TAFA5: variants seen among roughly 807,000 people sequenced by gnomAD.
TAFA5 encodes the protein TAFA chemokine like family member 5.
TAFA5 carries 6 observed loss-of-function variants against 15.3 expected under a neutral mutation model. The ratio of observed to expected loss-of-function variants is 0.39; its 90% CI spans 0.21 to 0.77. TAFA5 has a LOEUF of 0.77. TAFA5 is among the 30% of genes least tolerant of loss of function. TAFA5 has a pLI of 0.41. For synonymous variants in TAFA5, 103 were observed against 80.7 expected, an observed-to-expected ratio of 1.28 and a Z score of -1.48; for missense variants, 161 against 193.1, an observed-to-expected ratio of 0.83 and a Z score of 0.98.
At chr22:48,658,068 AG>A (rs1210163357) in intron 2 of TAFA5, among the ~76,000 whole-genome samples, 1 of 152,208 alleles carries the variant, frequency 6.6e-6, no homozygotes, top group Non-Finnish European at 1.5e-5. Context: ...CCGAGAGCTG[AG>A]GGGGCCCAGC....
At chr22:48,509,005 T>G (rs1043509393) in intron 1 of TAFA5, among the ~76,000 whole-genome samples, 1 of 152,170 alleles carries the variant, frequency 6.6e-6, no homozygotes, top group Non-Finnish European at 1.5e-5. Context: ...AATTCTCCTC[T>G]CTATTTCTAT....
At chr22:48,664,010 T>C (rs1927531607) in intron 2 of TAFA5, among the ~76,000 whole-genome samples, 1 of 152,212 alleles carries the variant, frequency 6.6e-6, no homozygotes, top group South Asian at 2.1e-4. Flanking sequence ...GTTGCTAAGA[T>C]CTACAGTAAA....
intron 3 of TAFA5, among the ~76,000 whole-genome samples, chr22:48,712,643 G>A (rs973300401): frequency 3.9e-5 from 6 of 152,348 alleles, no homozygotes; most frequent in South Asian, 2.1e-4. Flanking sequence ...CTGCCTCTCT[G>A]CTGGCTCTAC....
At chr22:48,553,866 T>G (rs1569023466) in intron 1 of TAFA5, among the ~76,000 whole-genome samples, 1 of 152,102 alleles carries the variant, frequency 6.6e-6, no homozygotes, top group African/African-American at 2.4e-5. Context: ...CAGTGGAGGC[T>G]GTTTGATGCT....
chr22:48,574,390 C>T (rs1923689085), intron 1 of TAFA5, among the ~76,000 whole-genome samples: 2 of 152,182 alleles, frequency 1.3e-5, no homozygotes, highest in South Asian at 4.1e-4. Context: ...AGGCAGACAG[C>T]ATCAAGCTTA....
intron 1 of TAFA5, among the ~76,000 whole-genome samples, chr22:48,564,231 T>C (rs1184089371): frequency 1.3e-5 from 2 of 152,224 alleles, no homozygotes; most frequent in East Asian, 3.9e-4. Flanking sequence ...AGCCTGAGGA[T>C]GGCAGGAAGC....
chr22:48,667,619 T>G lies in TAFA5; in HGVS notation c.262+20873T>G, dbSNP rs74967012. On this transcript the variant is annotated intron_variant, in intron 2 of 3. Coordinates refer to ENST00000402357, the MANE Select transcript of TAFA5 (RefSeq NM_001082967.3). ...TTGAGACTCCGCACTGCGTTATAAC[T>G]CCTGCCTGGTTAATTCAATTTCTCT... is the stretch of plus-strand genomic sequence containing the variant. 1.7e-3 allele frequency among the ~76,000 whole-genome samples: 261 copies of G among 152,196 alleles called. 2 individuals are homozygous for G. Among genetic ancestry groups the G allele is most frequent in the African/African-American group, 6.1e-3 (254 of 41,452 alleles).
intron 2 of TAFA5, among the ~76,000 whole-genome samples, chr22:48,704,034 G>A (rs150615854): frequency 1.1e-3 from 165 of 152,338 alleles, no homozygotes; most frequent in Non-Finnish European, 2.1e-3. Context: ...GCCCCGTTCA[G>A]CTCAAGATGA....
chr22:48,575,436 A>C (rs1308594526), intron 1 of TAFA5, among the ~76,000 whole-genome samples: 1 of 145,672 alleles, frequency 6.9e-6, no homozygotes, highest in Non-Finnish European at 1.5e-5. Context: ...GGGCCCGGCC[A>C]CCTGGGCCGG....
chr22:48,514,854 G>A (rs1921348801), intron 1 of TAFA5, among the ~76,000 whole-genome samples: 1 of 152,262 alleles, frequency 6.6e-6, no homozygotes, highest in Non-Finnish European at 1.5e-5. Flanking sequence ...GCTCTGGGCT[G>A]ACACCAGGGT....
At chr22:48,562,925 G>A (rs1923286904) in intron 1 of TAFA5, among the ~76,000 whole-genome samples, 1 of 151,920 alleles carries the variant, frequency 6.6e-6, no homozygotes, top group Non-Finnish European at 1.5e-5. Flanking sequence ...ACCCCGGGAT[G>A]CCCGTCTGTG....
At chr22:48,644,975 G>A (rs1207592632) in intron 1 of TAFA5, among the ~76,000 whole-genome samples, 2 of 152,212 alleles carry the variant, frequency 1.3e-5, no homozygotes, top group African/African-American at 2.4e-5. Context: ...CTGATGCTGC[G>A]GCCATCTCCC....
intron 2 of TAFA5, among the ~76,000 whole-genome samples, chr22:48,649,001 T>C (rs761790): frequency 0.5 from 76,317 of 152,052 alleles, 19,438 homozygotes; most frequent in South Asian, 0.57. Flanking sequence ...GGGTGTCTCA[T>C]TGATGAGCGT....
At chr22:48,539,072 G>T (rs1023870222) in intron 1 of TAFA5, 19 of 252,576 alleles carry the variant, frequency 7.5e-5, no homozygotes, top group Non-Finnish European at 1.3e-4. Flanking sequence ...GGTGGGCACT[G>T]GCTCGGTCTT....
At chr22:48,704,282 C>A (rs1455289433) in intron 2 of TAFA5, among the ~76,000 whole-genome samples, 3 of 152,128 alleles carry the variant, frequency 2.0e-5, no homozygotes, top group Non-Finnish European at 4.4e-5. Flanking sequence ...ATTTCTGCTA[C>A]TGGGGCATGT....
At chr22:48,605,491 G>C (rs1479536564) in intron 1 of TAFA5, among the ~76,000 whole-genome samples, 2 of 152,022 alleles carry the variant, frequency 1.3e-5, no homozygotes, top group African/African-American at 4.8e-5. Flanking sequence ...TGGCAGGGAT[G>C]GTGATGGTAA....
intron 1 of TAFA5, among the ~76,000 whole-genome samples, chr22:48,579,600 A>G (rs749265328): frequency 1.3e-5 from 2 of 152,252 alleles, no homozygotes; most frequent in Non-Finnish European, 2.9e-5. Context: ...GCCTCCAAAT[A>G]CGGAGTTAAG....
At chr22:48,542,426 T>C (rs1922450285) in intron 1 of TAFA5, among the ~76,000 whole-genome samples, 1 of 125,066 alleles carries the variant, frequency 8.0e-6, no homozygotes, top group African/African-American at 3.2e-5. Context: ...GTGGTGTGTA[T>C]GTGTGTGGTG....
chr22:48,551,150 T>C (rs537049106), intron 1 of TAFA5, among the ~76,000 whole-genome samples: 72 of 152,114 alleles, frequency 4.7e-4, no homozygotes, highest in Non-Finnish European at 8.8e-4. Context: ...ACAGCATGAA[T>C]GTGGCCTCTG....
Sources: allele counts gnomAD v4.1 joint callset (sites outside exome capture counted in the v4.1 genomes callset), GRCh38; gene constraint gnomAD v4.1.1; transcripts MANE v1.5; gene names NCBI Gene and HGNC (gene_info 2026-07-23, HGNC 2026-07-21).